Variants in CWF19L2 observed in about 807,000 individuals in gnomAD.
The protein encoded by CWF19L2 is CWF19-like protein 2.
A neutral mutation model predicts 111.7 loss-of-function variants in CWF19L2; 98 were observed. That is an observed-to-expected ratio of 0.88 (90% confidence interval 0.75 to 1.04). The LOEUF (loss-of-function observed/expected upper bound fraction) is 1.04. CWF19L2 is among the 50% of genes least tolerant of loss of function. The probability of loss-of-function intolerance (pLI) is 0.00; values close to 1 mark genes in which losing one functional copy is unlikely to be tolerated. For missense variants in CWF19L2, 1,101 were observed against 1,051.4 expected, an observed-to-expected ratio of 1.05 and a Z score of -0.65; for synonymous variants, 351 against 342.9, an observed-to-expected ratio of 1.02 and a Z score of -0.26.
At chr11:107,448,316 G>A (rs11212244) in intron 3 of CWF19L2, among the ~76,000 whole-genome samples, 3 of 122,124 alleles carry the variant, frequency 2.5e-5, no homozygotes, top group East Asian at 2.5e-4. Context: ...CTGCACTCCC[G>A]CCTGGCAACA....
chr11:107,379,056 G>A (rs139474148), intron 12 of CWF19L2, among the ~76,000 whole-genome samples: 7 of 152,228 alleles, frequency 4.6e-5, no homozygotes, highest in Admixed American at 6.5e-5. Flanking sequence ...AGCCAGATTC[G>A]TTAAAGAGAT....
In CWF19L2 at chr11:107,382,841, C is replaced by G. The variant is rs563293990; in HGVS notation, c.1872+7233G>C. On this transcript the variant is annotated intron_variant, in intron 12 of 17. Transcript: ENST00000282251. Reference sequence around the variant, plus strand: ...CCCAAGGCAGGACTCTAATCTTCTCCTACCTTTTTTATTGTGGGTCTTAAG... The same window carrying G: ...CCCAAGGCAGGACTCTAATCTTCTCGTACCTTTTTTATTGTGGGTCTTAAG... Among the ~76,000 whole-genome samples, 12 of 152,328 alleles carry G rather than the reference C, an allele frequency of 7.9e-5. 1 individual carries two copies. In the South Asian group the frequency reaches 2.5e-3, roughly 32 times the overall value.
rs370149692 is a variant in CWF19L2 at position 107,335,278 on chromosome 11, T to C, written c.2359-317A>G. Reference sequence around the variant, plus strand: ...ATTTGTGATCATAAAGTTCCATTTATAGCACTGCATTCATAGAGATTACTA... The same window carrying C: ...ATTTGTGATCATAAAGTTCCATTTACAGCACTGCATTCATAGAGATTACTA... On this transcript the variant is annotated intron_variant, in intron 15 of 17. Transcript: ENST00000282251. Among the ~76,000 whole-genome samples the C allele has an allele frequency of 2.7e-4, 41 of 152,330 alleles. No individual in the cohort carries two copies. The East Asian group carries it at 4.4e-3, about 16-fold the overall frequency.
chr11:107,362,835 C>T (rs1294579886), intron 12 of CWF19L2, among the ~76,000 whole-genome samples: 2 of 152,058 alleles, frequency 1.3e-5, no homozygotes, highest in East Asian at 1.9e-4. Flanking sequence ...ATGACTTTGA[C>T]GAGCTGAGAG....
intron 4 of CWF19L2, among the ~76,000 whole-genome samples, chr11:107,442,704 AAGAG>A (rs371970003): frequency 7.9e-6 from 1 of 126,536 alleles, no homozygotes; most frequent in Admixed American, 8.9e-5. Context: ...GAAAGAGAGA[AAGAG>A]AGAGAGAGAG....
chr11:107,326,756 A>C lies in CWF19L2; in HGVS notation c.*154T>G. ...ATAGGAGCAGGTGAAGAAGAAAACA[A>C]CACAATCTCCTGATGTACAGTTGTC... On this transcript the variant is annotated 3_prime_UTR_variant, in exon 18 of 18. Coordinates refer to ENST00000282251, the MANE Select transcript of CWF19L2 (RefSeq NM_152434.3). 1 of 526,966 alleles carries C rather than the reference A, an allele frequency of 1.9e-6. No homozygotes were observed. Among genetic ancestry groups the C allele is most frequent in the Non-Finnish European group, 3.2e-6 (1 of 308,778 alleles). 32.6% of individuals were successfully genotyped at this position (526,966 alleles called of 1,614,324 possible).
chr11:107,379,540 C>T (rs1324107492), intron 12 of CWF19L2, among the ~76,000 whole-genome samples: 1 of 152,244 alleles, frequency 6.6e-6, no homozygotes, highest in Non-Finnish European at 1.5e-5. Context: ...CAACCATCCA[C>T]ATGAGTTAGG....
Position 107,336,671 on chromosome 11 carries a change from A to T in CWF19L2, c.2245T>A (p.Leu749Ile). The T allele has an allele frequency of 8.3e-6, 13 of 1,561,846 alleles. No individual in the cohort carries two copies. The highest frequency in any genetic ancestry group is 1.1e-5 in the Non-Finnish European group (13 of 1,147,022). The part of the protein sequence containing the change: ...SLVKMFEDKG[L>I]DCIFLETNMS... ...TTAGTTTCCAAAAAAATGCAGTCTAATCCTTTATCTTCAAACATCTTTACC... is the reference window on the plus strand; with the variant it reads ...TTAGTTTCCAAAAAAATGCAGTCTATTCCTTTATCTTCAAACATCTTTACC... The change falls in exon 15 of 18, where the codon TTA becomes ATA. Residue 749 changes from leucine (L) to isoleucine (I), a missense_variant. By Grantham distance (5) the Leu-to-Ile change is conservative. Coordinates refer to ENST00000282251, the MANE Select transcript of CWF19L2 (RefSeq NM_152434.3).
At chr11:107,358,075 C>A (rs1424103747) in intron 12 of CWF19L2, among the ~76,000 whole-genome samples, 1 of 152,112 alleles carries the variant, frequency 6.6e-6, no homozygotes, top group East Asian at 1.9e-4. Context: ...TGGCTACAAT[C>A]AAATAGACAG....
At chr11:107,356,174 T>C (rs2134549616) in intron 12 of CWF19L2, among the ~76,000 whole-genome samples, 1 of 152,220 alleles carries the variant, frequency 6.6e-6, no homozygotes, top group South Asian at 2.1e-4. Flanking sequence ...CAATGAGAAA[T>C]GACTTTAAAC....
At position 107,437,478 on chromosome 11, in the gene CWF19L2, A is replaced by G. The variant is rs535466796; in HGVS notation, c.664+1612T>C. 1.1e-4 allele frequency among the ~76,000 whole-genome samples: 16 copies of G among 152,308 alleles called. No individual in the cohort carries two copies. In the South Asian group the frequency reaches 1.4e-3, roughly 14 times the overall value. On this transcript the variant is annotated intron_variant, in intron 6 of 17. Transcript: ENST00000282251. ...CTACCATCGGTCTAAATAGAATGAC[A>G]ACACTATCTACATATGCAGTAAAAC... is the stretch of plus-strand genomic sequence containing the variant.
In CWF19L2 at chr11:107,326,873, G is replaced by A. The variant is rs372563554; in HGVS notation, c.*37C>T. On this transcript the variant is annotated 3_prime_UTR_variant, in exon 18 of 18. Transcript: ENST00000282251. ...AGATGCAATGGAAATAAAACTGAACGGGATCTGAAGAAAAATTTTAAAATG... is the reference window on the plus strand; with the variant it reads ...AGATGCAATGGAAATAAAACTGAACAGGATCTGAAGAAAAATTTTAAAATG... 4.0e-5 allele frequency: 61 copies of A among 1,533,368 alleles called. No homozygotes were observed. The African/African-American group carries it at 6.7e-4, about 17-fold the overall frequency. 95.0% of individuals were successfully genotyped at this position (1,533,368 alleles called of 1,614,324 possible). A position where few individuals can be genotyped will look rare whatever the true frequency, so the allele number is the denominator to read the frequency against.
At chr11:107,359,421 G>A (rs1339937219) in intron 12 of CWF19L2, among the ~76,000 whole-genome samples, 2 of 152,136 alleles carry the variant, frequency 1.3e-5, no homozygotes, top group Non-Finnish European at 2.9e-5. Flanking sequence ...TTGTAGGGCT[G>A]GGCTATGTCT....
At chr11:107,409,760 A>C (rs933716592) in intron 10 of CWF19L2, among the ~76,000 whole-genome samples, 3 of 152,160 alleles carry the variant, frequency 2.0e-5, no homozygotes, top group African/African-American at 7.2e-5. Flanking sequence ...CTTAATGTTA[A>C]AATAAAGAAG....
chr11:107,334,917 C>A lies in CWF19L2; in HGVS notation c.2403G>T (p.Lys801Asn), dbSNP rs1333226097. 1.9e-6 allele frequency: 3 copies of A among 1,608,182 alleles called. No individual in the cohort carries two copies. Among genetic ancestry groups the A allele is most frequent in the Admixed American group, 3.3e-5 (2 of 59,946 alleles). The change falls in exon 16 of 18, where the codon AAG becomes AAT. Residue 801 changes from lysine to asparagine, a missense_variant. Transcript: ENST00000282251. ...TATCTTTTGAAGAGAGATCTATCAA[C>A]TTCTTGTTCATGGACCACTCTTCAT... The part of the protein sequence containing the change: ...ESDEEWSMNK[K>N]LIDLSSKDIR...
chr11:107,443,909 A>G (rs1391885680), intron 3 of CWF19L2, among the ~76,000 whole-genome samples: 1 of 152,210 alleles, frequency 6.6e-6, no homozygotes, highest in Non-Finnish European at 1.5e-5. Context: ...CCCACCGCCC[A>G]AAACATTTAT....
In CWF19L2 at chr11:107,402,871, G is replaced by GTATATATATATATATATATA. The variant is rs767099135; in HGVS notation, c.1618-9977_1618-9976insTATATATATATATATATATA. Among the ~76,000 whole-genome samples the GTATATATATATATATATATA allele has an allele frequency of 5.3e-3, 303 of 56,974 alleles. 44 individuals are homozygous for GTATATATATATATATATATA. The highest frequency in any genetic ancestry group is 6.0e-3 in the Non-Finnish European group (203 of 33,610). 37.4% of individuals were successfully genotyped at this position (56,974 alleles called of 152,430 possible). A position where few individuals can be genotyped will look rare whatever the true frequency, so the allele number is the denominator to read the frequency against. ...AACGAGTGGATAAACAAACTGTGGT[G>GTATATATATATATATATATA]TGTATATATATATATATATATATAT... On this transcript the variant is annotated intron_variant, in intron 10 of 17. Transcript: ENST00000282251.
At chr11:107,428,303 TAAC>T (rs994630151) in intron 8 of CWF19L2, among the ~76,000 whole-genome samples, 1 of 152,124 alleles carries the variant, frequency 6.6e-6, no homozygotes, top group Non-Finnish European at 1.5e-5. Flanking sequence ...TTGTGCAAAA[TAAC>T]AACCATAATT....
At chr11:107,431,665 A>G (rs1861467147) in intron 7 of CWF19L2, among the ~76,000 whole-genome samples, 1 of 152,182 alleles carries the variant, frequency 6.6e-6, no homozygotes, top group African/African-American at 2.4e-5. Flanking sequence ...TCACATAGTG[A>G]CTACCACATA....
Sources: allele counts gnomAD v4.1 joint callset (sites outside exome capture counted in the v4.1 genomes callset), GRCh38; gene constraint gnomAD v4.1.1; transcripts MANE v1.5; gene names NCBI Gene and HGNC (gene_info 2026-07-23, HGNC 2026-07-21).